Variants in TGFBRAP1 observed in about 807,000 individuals in gnomAD.
The protein encoded by TGFBRAP1 is transforming growth factor beta receptor associated protein 1.
Under a neutral mutation model 83.2 loss-of-function variants are expected in TGFBRAP1, and 20 were observed. That is an observed-to-expected ratio of 0.24 (90% CI 0.17 to 0.35). TGFBRAP1 has a LOEUF of 0.35. Among genes scored for constraint, TGFBRAP1 ranks in the 10% least tolerant of loss-of-function variants. TGFBRAP1 has a pLI of 1.00. For missense variants in TGFBRAP1, 950 were observed against 1,099.4 expected, an observed-to-expected ratio of 0.86 and a Z score of 1.92; for synonymous variants, 415 against 459.8, an observed-to-expected ratio of 0.90 and a Z score of 1.25.
chr2:105,254,885 G>A, the TGFBRAP1 span, among the ~76,000 whole-genome samples: 4 of 152,132 alleles, frequency 2.6e-5, no homozygotes, highest in Non-Finnish European at 4.4e-5. Flanking sequence ...ATGTGAGGAC[G>A]CAGCATGAAA....
At chr2:105,294,188 T>C (rs556646321) in intron 4 of TGFBRAP1, among the ~76,000 whole-genome samples, 5 of 152,236 alleles carry the variant, frequency 3.3e-5, no homozygotes, top group Non-Finnish European at 5.9e-5. Context: ...CAACAAATGT[T>C]TTTAAATGCC....
Position 105,272,932 on chromosome 2 carries a change from G to T in TGFBRAP1, c.1895C>A (p.Ala632Glu). The T allele has an allele frequency of 6.2e-7, 1 of 1,611,882 alleles. No homozygotes were observed. ...LQRASASGKG[A>E]EATETQAKLR... ...CTTGGCCTGCGTCTCGGTGGCCTCT[G>T]CACCCTTGCCACTGGCGGAGGCCCT... Residue 632 changes from alanine (A) to glutamate (E), a missense_variant, in exon 10 of 12, where the codon GCA (alanine) becomes GAA (glutamate). Ala to Glu is a moderately radical substitution (Grantham distance 107). Transcript: ENST00000393359.
chr2:105,313,463 T>A (rs544655773), intron 1 of TGFBRAP1, among the ~76,000 whole-genome samples: 1 of 152,370 alleles, frequency 6.6e-6, no homozygotes, highest in Non-Finnish European at 1.5e-5. Flanking sequence ...ATGGATTTCC[T>A]AGCGAGTTCC....
intron 1 of TGFBRAP1, among the ~76,000 whole-genome samples, chr2:105,315,929 C>T (rs996682956): frequency 1.3e-5 from 2 of 151,860 alleles, no homozygotes; most frequent in African/African-American, 4.8e-5. Context: ...TCATATTACC[C>T]AAAAAAAGGG....
At chr2:105,276,163 T>C (rs574740764) in intron 7 of TGFBRAP1, among the ~76,000 whole-genome samples, 1 of 152,328 alleles carries the variant, frequency 6.6e-6, no homozygotes, top group African/African-American at 2.4e-5. Flanking sequence ...GATGTTGTGC[T>C]TTTACAAAAG....
chr2:105,254,220 T>C, the TGFBRAP1 span, among the ~76,000 whole-genome samples: 1 of 152,200 alleles, frequency 6.6e-6, no homozygotes, highest in Non-Finnish European at 1.5e-5. Context: ...AGAAAGTTAG[T>C]GTCAAGTTAT....
chr2:105,301,749 A>C (rs1678302765), intron 2 of TGFBRAP1, among the ~76,000 whole-genome samples: 1 of 152,094 alleles, frequency 6.6e-6, no homozygotes. Flanking sequence ...TCTTTTTGAG[A>C]TGGGGTCTTG....
intron 4 of TGFBRAP1, among the ~76,000 whole-genome samples, chr2:105,294,433 G>A (rs190701122): frequency 6.6e-6 from 1 of 152,094 alleles, no homozygotes; most frequent in Admixed American, 6.6e-5. Flanking sequence ...AGTATTTTAA[G>A]CAAAGGACTC....
chr2:105,277,493 T>A (rs1361300315), intron 7 of TGFBRAP1, 121 bp downstream of exon 7: 1 of 837,566 alleles, frequency 1.2e-6, no homozygotes, highest in African/African-American at 1.7e-5. Context: ...TTATTCTGTA[T>A]AAAAGGGTGT....
rs1573534610 is a variant in TGFBRAP1, at chr2:105,267,436, C to T, written c.2530G>A (p.Ala844Thr). Residue 844 changes from alanine to threonine, a missense_variant, in exon 12 of 12, where the codon GCC becomes ACC. Physicochemically the swap from Ala to Thr is moderately conservative, Grantham distance 58 (BLOSUM62 0). Transcript: ENST00000393359. ...PNGGLVHTHCAASRHTNPSSS... is the reference protein window; with the variant it reads ...PNGGLVHTHCTASRHTNPSSS... ...CTGGGGTTTGTGTGTCTGCTGGCGG[C>T]ACAGTGGGTGTGCACAAGACCACCA... is the stretch of plus-strand genomic sequence containing the variant. The T allele has an allele frequency of 2.5e-6, 4 of 1,614,188 alleles. No individual in the cohort carries two copies. Among genetic ancestry groups the T allele is most frequent in the Non-Finnish European group, 3.4e-6 (4 of 1,180,024 alleles).
At chr2:105,262,780 T>C (rs1262378979), downstream of TGFBRAP1, among the ~76,000 whole-genome samples, 1 of 152,220 alleles carries the variant, frequency 6.6e-6, no homozygotes, top group Non-Finnish European at 1.5e-5. Context: ...GGCTGAATGA[T>C]AGCTATTTGT....
At chr2:105,260,249 A>G (rs1676757841), downstream of TGFBRAP1, among the ~76,000 whole-genome samples, 1 of 152,148 alleles carries the variant, frequency 6.6e-6, no homozygotes, top group East Asian at 1.9e-4. Flanking sequence ...TCTCTACCAC[A>G]AATACAAAAA....
At chr2:105,321,291 T>C (rs143710851) in intron 1 of TGFBRAP1, among the ~76,000 whole-genome samples, 2,048 of 152,118 alleles carry the variant, frequency 0.013, 53 homozygotes, top group African/African-American at 0.047. Context: ...CTCAGCCTCC[T>C]GAGTAGCTGT....
At chr2:105,280,353 C>T (rs1677491982) in intron 6 of TGFBRAP1, 29 bp downstream of exon 6, 1 of 1,600,618 alleles carries the variant, frequency 6.2e-7, no homozygotes, top group Non-Finnish European at 8.5e-7. Flanking sequence ...GGCGGGAAGC[C>T]CTGATCATAT....
At chr2:105,281,247 G>A (rs148990691) in intron 5 of TGFBRAP1, among the ~76,000 whole-genome samples, 1 of 152,224 alleles carries the variant, frequency 6.6e-6, no homozygotes, top group East Asian at 1.9e-4. Context: ...GGCCATTTCT[G>A]TGGGGACTCT....
At chr2:105,325,322 T>G (rs1232442048) in intron 1 of TGFBRAP1, among the ~76,000 whole-genome samples, 1 of 152,094 alleles carries the variant, frequency 6.6e-6, no homozygotes, top group Non-Finnish European at 1.5e-5. Context: ...TACTGCACAC[T>G]CGATATAGCA....
intron 8 of TGFBRAP1, 70 bp from the exon 9 acceptor site, chr2:105,273,760 A>G (rs1677240644): frequency 6.4e-7 from 1 of 1,558,830 alleles, no homozygotes. Context: ...TATTTTGGTC[A>G]TTGCACATTC....
At chr2:105,306,929 G>T (rs1678519173) in intron 2 of TGFBRAP1, among the ~76,000 whole-genome samples, 1 of 152,108 alleles carries the variant, frequency 6.6e-6, no homozygotes. Flanking sequence ...AACCTTCCTG[G>T]GGTGGAGGTA....
At chr2:105,250,995 G>A in the TGFBRAP1 span, among the ~76,000 whole-genome samples, 2 of 152,292 alleles carry the variant, frequency 1.3e-5, no homozygotes, top group Admixed American at 6.5e-5. Context: ...GCGTGATCTC[G>A]GCTCGCTACA....
Sources: allele counts gnomAD v4.1 joint callset (sites outside exome capture counted in the v4.1 genomes callset), GRCh38; gene constraint gnomAD v4.1.1; transcripts MANE v1.5; gene names NCBI Gene and HGNC (gene_info 2026-07-23, HGNC 2026-07-21).